Variants in ANKDD1A observed in about 807,000 individuals in gnomAD.
ANKDD1A encodes the protein ankyrin repeat and death domain-containing protein 1A.
ANKDD1A carries 59 observed loss-of-function variants against 63.5 expected under a neutral mutation model. That is an observed-to-expected ratio of 0.93 (90% CI 0.75 to 1.15). The LOEUF (loss-of-function observed/expected upper bound fraction) is 1.15. Ranked by LOEUF, ANKDD1A falls within the 50% of genes most tolerant of loss-of-function variation. ANKDD1A has a pLI of 0.00. For synonymous variants in ANKDD1A, 266 were observed against 263.9 expected, an observed-to-expected ratio of 1.01 and a Z score of -0.08; for missense variants, 632 against 656.4, an observed-to-expected ratio of 0.96 and a Z score of 0.41.
chr15:64,951,967 CT>C, intron 14 of ANKDD1A, among the ~76,000 whole-genome samples: 1 of 145,588 alleles, frequency 6.9e-6, no homozygotes, highest in East Asian at 2.0e-4. Context: ...TTCTGCTCTT[CT>C]TTCTTCTTCC....
chr15:64,918,701 C>G (rs1259894655), intron 3 of ANKDD1A, among the ~76,000 whole-genome samples: 1 of 152,114 alleles, frequency 6.6e-6, no homozygotes, highest in African/African-American at 2.4e-5. Flanking sequence ...CACCAGTAAT[C>G]CCAGCACTTT....
Position 64,917,527 on chromosome 15 carries a change from C to A in ANKDD1A, c.267+13C>A. On this transcript the variant is annotated intron_variant, in intron 3 of 14. Coordinates refer to ENST00000319580, the MANE Select transcript of ANKDD1A (RefSeq NM_182703.6). Reference sequence around the variant, plus strand: ...GGCACGTCTGTGTGTACGTGTCTGTCTGTCTGTCTGTCTCAGGGTGGTGGG... The same window carrying A: ...GGCACGTCTGTGTGTACGTGTCTGTATGTCTGTCTGTCTCAGGGTGGTGGG... The A allele has an allele frequency of 6.4e-7, 1 of 1,553,082 alleles. No homozygotes were observed. The highest frequency in any genetic ancestry group is 1.2e-5 in the South Asian group (1 of 84,172).
chr15:64,946,139 TTA>T (rs1175303928), intron 12 of ANKDD1A, among the ~76,000 whole-genome samples: 1 of 152,212 alleles, frequency 6.6e-6, no homozygotes, highest in Non-Finnish European at 1.5e-5. Context: ...ATGTTTAAAC[TTA>T]GTTAAACTAA....
At chr15:64,933,003 G>C (rs900581168) in intron 8 of ANKDD1A, among the ~76,000 whole-genome samples, 2 of 149,258 alleles carry the variant, frequency 1.3e-5, no homozygotes, top group African/African-American at 5.0e-5. Context: ...GCCATTGGGT[G>C]GGGGGCTGGA....
intron 6 of ANKDD1A, among the ~76,000 whole-genome samples, chr15:64,927,883 G>A (rs193220956): frequency 3.9e-4 from 60 of 152,266 alleles, no homozygotes; most frequent in African/African-American, 1.4e-3. Flanking sequence ...GGGATTACAC[G>A]CGTAAGCCAT....
At chr15:64,912,996 G>T (rs1464221476) in intron 1 of ANKDD1A, among the ~76,000 whole-genome samples, 1 of 152,228 alleles carries the variant, frequency 6.6e-6, no homozygotes, top group Admixed American at 6.5e-5. Context: ...GTGGGTATTG[G>T]ATGTGGCCAG....
At chr15:64,943,455 C>G (rs777333700) in intron 10 of ANKDD1A, 29 bp from the exon 11 acceptor site, 92 of 1,607,476 alleles carry the variant, frequency 5.7e-5, no homozygotes, top group Non-Finnish European at 6.1e-5. Flanking sequence ...ATGCTTTTCA[C>G]TTACCTATTC....
At chr15:64,954,562 C>G (rs1475294435) in intron 14 of ANKDD1A, among the ~76,000 whole-genome samples, 1 of 144,484 alleles carries the variant, frequency 6.9e-6, no homozygotes, top group African/African-American at 2.5e-5. Flanking sequence ...CTTCTTCCTT[C>G]TCCTTGTTCT....
chr15:64,938,931 A>G (rs1299449339), intron 9 of ANKDD1A, among the ~76,000 whole-genome samples: 4 of 122,112 alleles, frequency 3.3e-5, no homozygotes, highest in African/African-American at 1.1e-4. Context: ...GGCAACAGAG[A>G]GAGACTCCAT....
intron 14 of ANKDD1A, among the ~76,000 whole-genome samples, chr15:64,953,431 TCCTCCTTC>T (rs2085339593): frequency 3.6e-5 from 1 of 27,786 alleles, no homozygotes. Flanking sequence ...TTCTTCTTCC[TCCTCCTTC>T]CTTTTCTTCT....
chr15:64,953,612 C>G, intron 14 of ANKDD1A, among the ~76,000 whole-genome samples: 1 of 13,532 alleles, frequency 7.4e-5, no homozygotes, highest in Non-Finnish European at 1.7e-4. Flanking sequence ...TCTTTCTTCT[C>G]TCCTTCTTCT....
intron 7 of ANKDD1A, 39 bp from the exon 8 acceptor site, chr15:64,931,448 C>T (rs2085090155): frequency 6.3e-7 from 1 of 1,578,832 alleles, no homozygotes; most frequent in South Asian, 1.1e-5. Flanking sequence ...TGGGGGTGGG[C>T]CTCCCCACCA....
intron 10 of ANKDD1A, 152 bp downstream of exon 10, chr15:64,942,717 T>A: frequency 1.6e-6 from 1 of 623,550 alleles, no homozygotes; most frequent in Non-Finnish European, 2.7e-6. Context: ...TCTAAATAGT[T>A]GCTGAAGGGA....
intron 3 of ANKDD1A, 76 bp downstream of exon 3, chr15:64,917,590 C>A: frequency 6.7e-7 from 1 of 1,497,756 alleles, no homozygotes; most frequent in Non-Finnish European, 9.0e-7. Flanking sequence ...GAGCCAGTTG[C>A]CGAGATTGCT....
At chr15:64,953,959 C>CTTT (rs1382918011) in intron 14 of ANKDD1A, among the ~76,000 whole-genome samples, 1 of 104,068 alleles carries the variant, frequency 9.6e-6, no homozygotes. Flanking sequence ...TCTATTGTTT[C>CTTT]TTTTTTTCTT....
intron 9 of ANKDD1A, among the ~76,000 whole-genome samples, chr15:64,936,779 G>A (rs1175422993): frequency 1.3e-5 from 2 of 152,220 alleles, no homozygotes; most frequent in East Asian, 3.9e-4. Context: ...AGGAGGTTGA[G>A]GCTGCAGTGA....
intron 9 of ANKDD1A, among the ~76,000 whole-genome samples, chr15:64,941,448 G>A (rs538852420): frequency 1.2e-4 from 18 of 152,252 alleles, no homozygotes; most frequent in African/African-American, 4.3e-4. Flanking sequence ...GTGACATGAT[G>A]GGAGGCATCA....
At position 64,926,887 on chromosome 15, in the gene ANKDD1A, C is replaced by CCT. The variant is rs1449023177; in HGVS notation, c.472-14_472-13insCT. 6.2e-7 allele frequency: 1 copy of CCT among 1,613,646 alleles called. No homozygotes were observed. The highest frequency in any genetic ancestry group is 8.5e-7 in the Non-Finnish European group (1 of 1,179,706). On this transcript the variant is annotated splice_polypyrimidine_tract_variant and intron_variant, in intron 5 of 14. Transcript: ENST00000319580. The stretch of plus-strand genomic sequence containing the variant: ...AGAGTGAGGAAGGCTCACACCGCTT[C>CCT]TCCTCCCGGCCAGCTGGGGAGGACG...
At chr15:64,951,336 C>CT (rs1443818139) in intron 14 of ANKDD1A, 2 of 655,400 alleles carry the variant, frequency 3.1e-6, no homozygotes, top group African/African-American at 6.3e-5. Flanking sequence ...TCCTCTTTTT[C>CT]TTTCTTCTTT....
Sources: gnomAD v4.1 joint callset for allele counts (sites outside exome capture counted in the v4.1 genomes callset) on GRCh38, gnomAD v4.1.1 for gene constraint, MANE v1.5 for transcripts, NCBI Gene and HGNC (gene_info 2026-07-23, HGNC 2026-07-21) for gene names.